Variants in PDAP1 observed in about 807,000 individuals in gnomAD.
The protein encoded by PDAP1 is 28 kDa heat- and acid-stable phosphoprotein.
In PDAP1, 13 loss-of-function variants were observed where a neutral mutation model predicts 28.0. That is an observed-to-expected ratio of 0.46 (90% CI 0.30 to 0.74). The LOEUF is 0.74. Ranked by LOEUF, PDAP1 falls within the 30% of genes least tolerant of loss-of-function variation. The pLI, the probability that PDAP1 is intolerant of heterozygous loss-of-function variation, is 0.07. For synonymous variants in PDAP1, 77 were observed against 85.1 expected (o/e 0.91, Z 0.52); for missense variants, 150 against 230.0 (o/e 0.65, Z 2.25).
At chr7:99,408,144 G>A (rs1263705871) in intron 1 of PDAP1, among the ~76,000 whole-genome samples, 1 of 152,112 alleles carries the variant, frequency 6.6e-6, no homozygotes, top group Admixed American at 6.6e-5. Context: ...TGGCTGAACC[G>A]AAGCCAGAAA....
Position 99,408,578 on chromosome 7 carries a change from C to A in PDAP1, c.-30G>T. On this transcript the variant is annotated 5_prime_UTR_variant, in exon 1 of 6. Coordinates refer to ENST00000350498, the MANE Select transcript of PDAP1 (RefSeq NM_014891.7). ...GCTCCGGCGGCTGCGGCGGCGGCGG[C>A]GGCGCCTCGAACTGACACCGGAACC... is the stretch of plus-strand genomic sequence containing the variant. 8.1e-7 allele frequency: 1 copy of A among 1,238,196 alleles called. No homozygotes were observed. Among genetic ancestry groups the A allele is most frequent in the Non-Finnish European group, 1.0e-6 (1 of 987,150 alleles). 76.7% of individuals were successfully genotyped at this position (1,238,196 alleles called of 1,614,324 possible).
In PDAP1 at chr7:99,403,332, G is replaced by A. The variant is rs528012304; in HGVS notation, c.213+66C>T. The A allele has an allele frequency of 1.4e-4, 132 of 949,324 alleles. No homozygotes were observed. In the African/African-American group the frequency reaches 1.8e-3, roughly 13 times the overall value. 58.8% of individuals were successfully genotyped at this position (949,324 alleles called of 1,614,324 possible). On this transcript the variant is annotated intron_variant, in intron 3 of 5. Coordinates refer to ENST00000350498, the MANE Select transcript of PDAP1 (RefSeq NM_014891.7). ...TCTACCTTTGGGACTAGTACTAAAC[G>A]GTCACTCAACGTTTGTTTGTTGAAT...
rs1794729722 is a variant in PDAP1 at position 99,395,264 on chromosome 7, C to T, written c.*1418G>A. Reference sequence around the variant, plus strand: ...TTCCTGGGATCAAGCGATTCTCCTGCCTCAGCCTCCCAAGTAGCTGGGATT... The same window carrying T: ...TTCCTGGGATCAAGCGATTCTCCTGTCTCAGCCTCCCAAGTAGCTGGGATT... On this transcript the variant is annotated 3_prime_UTR_variant, in exon 6 of 6. Transcript: ENST00000350498. 1 of 152,266 alleles carries T rather than the reference C, an allele frequency of 6.6e-6. No individual in the cohort carries two copies. Among genetic ancestry groups the T allele is most frequent in the Admixed American group, 6.5e-5 (1 of 15,272 alleles). 9.4% of individuals were successfully genotyped at this position (152,266 alleles called of 1,614,324 possible).
At position 99,400,433 on chromosome 7, in the gene PDAP1, G is replaced by C. The variant is rs1197931589; in HGVS notation, c.214-9C>G. 1.2e-6 allele frequency: 2 copies of C among 1,614,038 alleles called. No individual in the cohort carries two copies. The highest frequency in any genetic ancestry group is 2.2e-5 in the East Asian group (1 of 44,874). ...ACGCCTTTGCGCTTTTGCTAGAACA[G>C]GGCAAGAAGCTGGTTGTTGGAGTTC... On this transcript the variant is annotated splice_polypyrimidine_tract_variant and intron_variant, in intron 3 of 5. Coordinates refer to ENST00000350498, the MANE Select transcript of PDAP1 (RefSeq NM_014891.7).
chr7:99,402,885 AAAAAAAAAAAAG>A (rs561636339), intron 3 of PDAP1, among the ~76,000 whole-genome samples: 9,626 of 148,314 alleles, frequency 0.065, 1,041 homozygotes, highest in African/African-American at 0.22. Context: ...TCTCAAAAAA[AAAAAAAAAAAAG>A]AAAAGAAAAG....
chr7:99,396,910 G>GC (rs1164431275), intron 5 of PDAP1, among the ~76,000 whole-genome samples, 170 bp from the exon 6 acceptor site: 4 of 151,964 alleles, frequency 2.6e-5, no homozygotes, highest in African/African-American at 9.7e-5. Context: ...GTAACCCCGG[G>GC]CCCCCCGACA....
rs1240814444 is a variant in PDAP1 at position 99,400,342 on chromosome 7, A to C, written c.296T>G (p.Leu99Arg). The change falls in exon 4 of 6, where the codon CTG becomes CGG. Residue 99 changes from leucine (L) to arginine (R), a missense_variant. By Grantham distance (102) the Leu-to-Arg change is moderately radical. Coordinates refer to ENST00000350498, the MANE Select transcript of PDAP1 (RefSeq NM_014891.7). ...VAQTTKKVTQ[L>R]DLDGPKELSR... The stretch of plus-strand genomic sequence containing the variant: ...AAGCTCCTTTGGCCCGTCCAGATCC[A>C]GTTGTGTGACCTTTTTGGTTGTCTG... The C allele has an allele frequency of 1.2e-6, 2 of 1,613,676 alleles. No homozygotes were observed. Among genetic ancestry groups the C allele is most frequent in the African/African-American group, 1.3e-5 (1 of 74,852 alleles).
chr7:99,408,558 G>A lies in PDAP1; in HGVS notation c.-10C>T, dbSNP rs998068209. ...CACCTCCTTTAGGCATTGCGGCTCC[G>A]GCGGCTGCGGCGGCGGCGGCGGCGC... is the stretch of plus-strand genomic sequence containing the variant. On this transcript the variant is annotated 5_prime_UTR_variant, in exon 1 of 6. Coordinates refer to ENST00000350498, the MANE Select transcript of PDAP1 (RefSeq NM_014891.7). 2.7e-5 allele frequency: 34 copies of A among 1,273,966 alleles called. No individual in the cohort carries two copies. The highest frequency in any genetic ancestry group is 2.3e-4 in the African/African-American group (15 of 64,804). The allele number at this position is 1,273,966 out of a possible 1,614,324, so 78.9% of individuals were successfully genotyped here. A position where few individuals can be genotyped will look rare whatever the true frequency, so the allele number is the denominator to read the frequency against.
chr7:99,395,337 G>C lies in PDAP1; in HGVS notation c.*1345C>G, dbSNP rs539409428. ...GGTTAATTTTTGTATTTTTAGTAGAGACGGAGTTTCTCCATGTTGGCCAGG... is the reference window on the plus strand; with the variant it reads ...GGTTAATTTTTGTATTTTTAGTAGACACGGAGTTTCTCCATGTTGGCCAGG... On this transcript the variant is annotated 3_prime_UTR_variant, in exon 6 of 6. Coordinates refer to ENST00000350498, the MANE Select transcript of PDAP1 (RefSeq NM_014891.7). 6.6e-6 allele frequency: 1 copy of C among 152,332 alleles called. No homozygotes were observed. The highest frequency in any genetic ancestry group is 6.5e-5 in the Admixed American group (1 of 15,296). 9.4% of individuals were successfully genotyped at this position (152,332 alleles called of 1,614,324 possible).
intron 5 of PDAP1, 37 bp downstream of exon 5, chr7:99,397,825 T>C (rs543107105): frequency 1.1e-5 from 17 of 1,604,298 alleles, no homozygotes; most frequent in East Asian, 4.5e-5. Context: ...AGGACCAGAG[T>C]TGGGGCCTGT....
intron 4 of PDAP1, among the ~76,000 whole-genome samples, chr7:99,399,129 C>T (rs1347856533): frequency 2.0e-5 from 3 of 152,094 alleles, no homozygotes; most frequent in African/African-American, 4.8e-5. Flanking sequence ...CTCGGCCTCC[C>T]AGAGGCCTTC....
chr7:99,403,156 T>C (rs190258304), intron 3 of PDAP1, among the ~76,000 whole-genome samples: 1 of 152,322 alleles, frequency 6.6e-6, no homozygotes, highest in Non-Finnish European at 1.5e-5. Flanking sequence ...AGTTTATAAG[T>C]TGCTTCACCA....
At chr7:99,398,173 GTT>G (rs1340842912) in intron 4 of PDAP1, among the ~76,000 whole-genome samples, 160 bp from the exon 5 acceptor site, 1 of 152,236 alleles carries the variant, frequency 6.6e-6, no homozygotes. Context: ...CTTGGTGGAC[GTT>G]CACCAAGCAA....
intron 2 of PDAP1, among the ~76,000 whole-genome samples, chr7:99,404,309 GT>G (rs1388089838): frequency 3.3e-5 from 5 of 152,168 alleles, no homozygotes; most frequent in Non-Finnish European, 7.3e-5. Context: ...CGATGGGAAT[GT>G]ATTCTATTTC....
chr7:99,404,622 C>G (rs1266720046), intron 2 of PDAP1, among the ~76,000 whole-genome samples: 1 of 152,122 alleles, frequency 6.6e-6, no homozygotes, highest in African/African-American at 2.4e-5. Context: ...GAACAGGGCC[C>G]CACTAAAGCA....
chr7:99,401,544 C>T (rs1794866824), intron 3 of PDAP1, among the ~76,000 whole-genome samples: 1 of 152,072 alleles, frequency 6.6e-6, no homozygotes, highest in Non-Finnish European at 1.5e-5. Flanking sequence ...AGGCTGGTCT[C>T]GAAATCTCGA....
rs1291600291 is a variant in PDAP1 at position 99,396,570 on chromosome 7, T to C, written c.*112A>G. The stretch of plus-strand genomic sequence containing the variant: ...GAGGAGGCCCCAGGCCATGGGGGGC[T>C]CCTGGCCATGAGGGGCTGTTGCAGC... On this transcript the variant is annotated 3_prime_UTR_variant, in exon 6 of 6. Coordinates refer to ENST00000350498, the MANE Select transcript of PDAP1 (RefSeq NM_014891.7). 1 of 626,700 alleles carries C rather than the reference T, an allele frequency of 1.6e-6. No homozygotes were observed. Among genetic ancestry groups the C allele is most frequent in the Non-Finnish European group, 2.8e-6 (1 of 359,056 alleles). 38.8% of individuals were successfully genotyped at this position (626,700 alleles called of 1,614,324 possible).
chr7:99,403,327 T>G, intron 3 of PDAP1, 71 bp downstream of exon 3: 1 of 925,254 alleles, frequency 1.1e-6, no homozygotes, highest in Admixed American at 1.7e-5. Context: ...GGACTAGTAC[T>G]AAACGGTCAC....
At chr7:99,397,289 A>T (rs1794785876) in intron 5 of PDAP1, among the ~76,000 whole-genome samples, 1 of 151,992 alleles carries the variant, frequency 6.6e-6, no homozygotes, top group Admixed American at 6.6e-5. Flanking sequence ...CCCCCGGGAG[A>T]TGGAATGTTG....
Sources: gnomAD v4.1 joint callset for allele counts (sites outside exome capture counted in the v4.1 genomes callset) on GRCh38, gnomAD v4.1.1 for gene constraint, MANE v1.5 for transcripts, NCBI Gene and HGNC (gene_info 2026-07-23, HGNC 2026-07-21) for gene names.